Variants in POU1F1 observed in about 807,000 individuals in gnomAD.
POU1F1 encodes the protein POU class 1 homeobox 1.
A neutral mutation model predicts 32.3 loss-of-function variants in POU1F1; 23 were observed. The ratio of observed to expected loss-of-function variants is 0.71; its 90% CI spans 0.51 to 1.01. The LOEUF is 1.01. POU1F1 is among the 50% of genes least tolerant of loss of function. POU1F1 has a pLI of 0.00. For synonymous variants in POU1F1, 120 were observed against 115.6 expected, an observed-to-expected ratio of 1.04 and a Z score of -0.25; for missense variants, 323 against 341.6, an observed-to-expected ratio of 0.95 and a Z score of 0.43.
At chr3:87,266,650 A>C (rs9824592) in intron 2 of POU1F1, among the ~76,000 whole-genome samples, 65,116 of 151,414 alleles carry the variant, frequency 0.43, 14,192 homozygotes, top group South Asian at 0.58. Context: ...TTGATCAGAC[A>C]AGAGAACATT....
At position 87,262,337 on chromosome 3, in the gene POU1F1, C is replaced by T. The variant is rs1158818694; in HGVS notation, c.440-102G>A. ...GTGTATCTTTGTCAACTATTACACA[C>T]TATTTTTTAACTATATATTCTTGGC... On this transcript the variant is annotated intron_variant, in intron 3 of 5. Transcript: ENST00000350375. The T allele has an allele frequency of 3.9e-6, 5 of 1,291,796 alleles. No homozygotes were observed. In the East Asian group the frequency reaches 1.2e-4, roughly 30 times the overall value. The allele number at this position is 1,291,796 out of a possible 1,614,324, so 80.0% of individuals were successfully genotyped here. A position where few individuals can be genotyped will look rare whatever the true frequency, so the allele number is the denominator to read the frequency against.
chr3:87,275,456 T>A (rs1706809456), intron 1 of POU1F1, among the ~76,000 whole-genome samples: 1 of 152,048 alleles, frequency 6.6e-6, no homozygotes, highest in Non-Finnish European at 1.5e-5. Context: ...ATTTCATTCC[T>A]AAATATGAGA....
rs760045491 is a variant in POU1F1, at chr3:87,261,327, T to G, written c.611A>C (p.Tyr204Ser). 1 of 1,589,942 alleles carries G rather than the reference T, an allele frequency of 6.3e-7. No homozygotes were observed. The highest frequency in any genetic ancestry group is 8.6e-7 in the Non-Finnish European group (1 of 1,162,424). Residue 204 changes from tyrosine (Y) to serine (S), a missense_variant, in exon 5 of 6, where the codon TAC (tyrosine) becomes TCC (serine). Transcript: ENST00000350375. ...TTCATTTGCTCCCACTTTTTCATTG[T>G]ACAAAGCTATAATGTGGAAAAGAGA... ...LEEAEQVGAL[Y>S]NEKVGANERK... is the part of the protein sequence containing the mutation.
intron 5 of POU1F1, among the ~76,000 whole-genome samples, chr3:87,260,486 C>A (rs1706489472): frequency 6.6e-6 from 1 of 152,156 alleles, no homozygotes; most frequent in East Asian, 1.9e-4. Flanking sequence ...CTCTAGTAAA[C>A]AACTGACCAA....
Position 87,259,911 on chromosome 3 carries a change from G to C in POU1F1, c.859C>G (p.His287Asp), listed in dbSNP as rs757994529. 1 of 1,613,784 alleles carries C rather than the reference G, an allele frequency of 6.2e-7. No homozygotes were observed. The highest frequency in any genetic ancestry group is 2.2e-5 in the East Asian group (1 of 44,866). The change falls in exon 6 of 6, where the codon CAT becomes GAT. Residue 287 changes from histidine (H) to aspartate (D), a missense_variant. Physicochemically the swap from His to Asp is moderately conservative, Grantham distance 81. Coordinates refer to ENST00000350375, the MANE Select transcript of POU1F1 (RefSeq NM_000306.4). ...GAAAAATCTTATCTGCACTCAAGAT[G>C]TTCCTTAGAAATAGAAAATAAACTC... ...NQSLFSISKE[H>D]LECR
intron 4 of POU1F1, among the ~76,000 whole-genome samples, chr3:87,261,590 A>G (rs1183961581): frequency 6.6e-6 from 1 of 152,156 alleles, no homozygotes; most frequent in Non-Finnish European, 1.5e-5. Context: ...CTTGCTGTAA[A>G]TACTCTCAAA....
Position 87,260,123 on chromosome 3 carries a change from AG to A in POU1F1, c.666-20del, listed in dbSNP as rs746049254. The A allele has an allele frequency of 1.2e-6, 2 of 1,603,182 alleles. No individual in the cohort carries two copies. The highest frequency in any genetic ancestry group is 2.2e-5 in the South Asian group (2 of 90,280). On this transcript the variant is annotated intron_variant, in intron 5 of 5. Coordinates refer to ENST00000350375, the MANE Select transcript of POU1F1 (RefSeq NM_000306.4). The stretch of plus-strand genomic sequence containing the variant: ...AGCAATGCTGGCGGGGGGTGGACAT[AG>A]GGGGTGAAATTTTGTTGTTTTTAGT...
At chr3:87,272,854 G>C (rs1048184513) in intron 2 of POU1F1, among the ~76,000 whole-genome samples, 13 of 126,378 alleles carry the variant, frequency 1.0e-4, no homozygotes, top group Non-Finnish European at 3.8e-5. Flanking sequence ...ATAATGATGA[G>C]GGGGGGTGTT....
At chr3:87,267,277 T>A (rs1051517927) in intron 2 of POU1F1, among the ~76,000 whole-genome samples, 4 of 152,180 alleles carry the variant, frequency 2.6e-5, no homozygotes, top group Non-Finnish European at 5.9e-5. Context: ...GAAAGATATA[T>A]ATTTTTCCCC....
At chr3:87,276,236 A>C in intron 1 of POU1F1, 85 bp downstream of exon 1, 1 of 1,502,878 alleles carries the variant, frequency 6.7e-7, no homozygotes, top group Non-Finnish European at 9.3e-7. Context: ...AAAGATGCAA[A>C]GAGATTATTA....
intron 3 of POU1F1, among the ~76,000 whole-genome samples, chr3:87,262,902 T>G (rs1706539265): frequency 6.6e-6 from 1 of 152,110 alleles, no homozygotes; most frequent in South Asian, 2.1e-4. Context: ...TTCACAGTAA[T>G]ATAGATAGAA....
chr3:87,276,286 C>A, intron 1 of POU1F1, 35 bp downstream of exon 1: 1 of 1,605,986 alleles, frequency 6.2e-7, no homozygotes, highest in South Asian at 1.1e-5. Flanking sequence ...AATATTTAGG[C>A]CCGGTCATAT....
In POU1F1 at chr3:87,264,287, C is replaced by A; in HGVS notation, c.439+1G>T. The A allele has an allele frequency of 1.2e-6, 2 of 1,605,054 alleles. No homozygotes were observed. Among genetic ancestry groups the A allele is most frequent in the Non-Finnish European group, 1.7e-6 (2 of 1,171,886 alleles). On this transcript the variant is annotated splice_donor_variant, in intron 3 of 5. Transcript: ENST00000350375. LOFTEE classifies it high-confidence loss of function. ...TCCTGTTGCCTTTAACAAGCACATA[C>A]CTAATTTAATTCGTCTCACTTTAAA... is the stretch of plus-strand genomic sequence containing the variant.
intron 3 of POU1F1, among the ~76,000 whole-genome samples, chr3:87,263,889 G>A (rs1459377235): frequency 6.6e-6 from 1 of 151,776 alleles, no homozygotes; most frequent in Non-Finnish European, 1.5e-5. Context: ...ATATCCATGA[G>A]ATATCATTGG....
intron 2 of POU1F1, among the ~76,000 whole-genome samples, chr3:87,271,353 C>G (rs1315535775): frequency 6.6e-6 from 1 of 152,142 alleles, no homozygotes; most frequent in East Asian, 1.9e-4. Context: ...AGTGGTGGCC[C>G]TCTCTGATTA....
intron 1 of POU1F1, 48 bp downstream of exon 1, chr3:87,276,273 T>C (rs1408359199): frequency 6.3e-7 from 1 of 1,585,452 alleles, no homozygotes; most frequent in Non-Finnish European, 8.7e-7. Context: ...GCATTCATTC[T>C]GAAATATTTA....
Position 87,276,289 on chromosome 3 carries a change from G to T in POU1F1, c.142+32C>A, listed in dbSNP as rs756952125. 17 of 1,607,536 alleles carry T rather than the reference G, an allele frequency of 1.1e-5. No homozygotes were observed. In the South Asian group the frequency reaches 1.6e-4, roughly 16 times the overall value. ...CATTCATTCTGAAATATTTAGGCCCGGTCATATGTAAACTGTCATAGGAGT... is the reference window on the plus strand; with the variant it reads ...CATTCATTCTGAAATATTTAGGCCCTGTCATATGTAAACTGTCATAGGAGT... On this transcript the variant is annotated intron_variant, in intron 1 of 5. Coordinates refer to ENST00000350375, the MANE Select transcript of POU1F1 (RefSeq NM_000306.4).
In POU1F1 at chr3:87,262,124, C is replaced by T. The variant is rs753790272; in HGVS notation, c.551G>A (p.Cys184Tyr). 8.7e-6 allele frequency: 14 copies of T among 1,613,966 alleles called. No homozygotes were observed. The highest frequency in any genetic ancestry group is 1.0e-5 in the Non-Finnish European group (12 of 1,180,012). Residue 184 changes from cysteine (C) to tyrosine (Y), a missense_variant, in exon 4 of 6, where the codon TGC becomes TAC. Physicochemically the swap from Cys to Tyr is radical, Grantham distance 194. Transcript: ENST00000350375. ...TTTGGATAATATTGCTTTCAGTTTG[C>T]ATGCATTTTTAAAGCTGAGCTGCAG... ...ENLQLSFKNACKLKAILSKWL... is the reference protein window; with the variant it reads ...ENLQLSFKNAYKLKAILSKWL...
intron 1 of POU1F1, among the ~76,000 whole-genome samples, chr3:87,274,627 T>A (rs1706793951): frequency 6.6e-6 from 1 of 151,572 alleles, no homozygotes; most frequent in Admixed American, 6.6e-5. Context: ...TGATTACATA[T>A]AATGCATTAC....
Sources: gnomAD v4.1 joint callset for allele counts (sites outside exome capture counted in the v4.1 genomes callset) on GRCh38, gnomAD v4.1.1 for gene constraint, MANE v1.5 for transcripts, NCBI Gene and HGNC (gene_info 2026-07-23, HGNC 2026-07-21) for gene names.